The following FNDC3B variants were observed in gnomAD, a reference collection of about 807,000 sequenced individuals.
The protein encoded by FNDC3B is fibronectin type III domain containing 3B, also known as fibronectin type III domain-containing protein 3B.
A neutral mutation model predicts 151.5 loss-of-function variants in FNDC3B; 12 were observed. The ratio of observed to expected loss-of-function variants is 0.08; its 90% CI spans 0.05 to 0.13. The LOEUF is 0.13. Ranked by LOEUF, FNDC3B falls within the 10% of genes least tolerant of loss-of-function variation. FNDC3B has a pLI of 1.00. For missense variants in FNDC3B, 1,214 were observed against 1,505.3 expected (o/e 0.81, Z 3.20); for synonymous variants, 528 against 549.0 (o/e 0.96, Z 0.54).
At chr3:172,255,019 T>C (rs550996416) in intron 6 of FNDC3B, among the ~76,000 whole-genome samples, 19 of 152,226 alleles carry the variant, frequency 1.2e-4, no homozygotes, top group Non-Finnish European at 2.4e-4. Flanking sequence ...AATATTCTTG[T>C]CTCTCTCATC....
intron 6 of FNDC3B, among the ~76,000 whole-genome samples, chr3:172,262,881 A>G (rs1728720003): frequency 1.7e-5 from 2 of 117,110 alleles, no homozygotes; most frequent in Admixed American, 1.1e-4. Flanking sequence ...TAGATGACAG[A>G]GTGAGACCGA....
At chr3:172,173,260 C>A (rs551692171) in intron 3 of FNDC3B, among the ~76,000 whole-genome samples, 1 of 152,258 alleles carries the variant, frequency 6.6e-6, no homozygotes, top group Non-Finnish European at 1.5e-5. Context: ...TTTTGGACAT[C>A]TCTCTAGAGG....
chr3:172,346,202 A>G, intron 19 of FNDC3B, 125 bp from the exon 20 acceptor site: 1 of 472,280 alleles, frequency 2.1e-6, no homozygotes, highest in Non-Finnish European at 3.8e-6. Flanking sequence ...AATATTTGTT[A>G]ATTAGTTGTG....
At chr3:172,221,341 C>T (rs960125986) in intron 3 of FNDC3B, among the ~76,000 whole-genome samples, 2 of 152,144 alleles carry the variant, frequency 1.3e-5, no homozygotes, top group Non-Finnish European at 2.9e-5. Context: ...AGTGGACATC[C>T]TTGTCTAGTT....
At chr3:172,149,820 T>TG (rs1722120801) in intron 3 of FNDC3B, among the ~76,000 whole-genome samples, 1 of 124,990 alleles carries the variant, frequency 8.0e-6, no homozygotes, top group African/African-American at 3.1e-5. Flanking sequence ...TTTTTTTTTT[T>TG]TTTTTTTTTT....
chr3:172,387,849 C>T (rs997063659), intron 25 of FNDC3B, among the ~76,000 whole-genome samples: 2 of 152,196 alleles, frequency 1.3e-5, no homozygotes, highest in African/African-American at 4.8e-5. Context: ...AGTTCAGTAA[C>T]GGTACCCTTG....
At chr3:172,162,048 C>T (rs1418631421) in intron 3 of FNDC3B, among the ~76,000 whole-genome samples, 1 of 149,686 alleles carries the variant, frequency 6.7e-6, no homozygotes, top group Non-Finnish European at 1.5e-5. Context: ...GTGATCTCGG[C>T]TCACTGCAAC....
chr3:172,091,315 T>G (rs555132242), intron 1 of FNDC3B, among the ~76,000 whole-genome samples: 8 of 152,370 alleles, frequency 5.3e-5, no homozygotes, highest in Admixed American at 3.3e-4. Flanking sequence ...CTTCTTTTCA[T>G]ACATTTAGAT....
In FNDC3B at chr3:172,362,853, G is replaced by C. The variant is rs370130678; in HGVS notation, c.3008+8G>C. 6.2e-6 allele frequency: 10 copies of C among 1,605,852 alleles called. No individual in the cohort carries two copies. Among genetic ancestry groups the C allele is most frequent in the Non-Finnish European group, 8.5e-6 (10 of 1,174,098 alleles). ...GGAGGACAGAAACAAGAGGTGAGGT[G>C]GGGGTGAGGATGCTCCTGAAGCTTC... is the stretch of plus-strand genomic sequence containing the variant. On this transcript the variant is annotated splice_region_variant and intron_variant, in intron 23 of 25. Coordinates refer to ENST00000415807, the MANE Select transcript of FNDC3B (RefSeq NM_022763.4).
intron 1 of FNDC3B, among the ~76,000 whole-genome samples, chr3:172,057,222 C>T (rs1716957739): frequency 6.6e-6 from 1 of 152,184 alleles, no homozygotes. Flanking sequence ...TTAGTGGATG[C>T]AGCTGTTGGG....
intron 3 of FNDC3B, among the ~76,000 whole-genome samples, chr3:172,140,680 T>C (rs901428529): frequency 6.6e-6 from 1 of 152,228 alleles, no homozygotes; most frequent in African/African-American, 2.4e-5. Flanking sequence ...GCTGTGATTG[T>C]ACGTGCAACT....
intron 6 of FNDC3B, among the ~76,000 whole-genome samples, chr3:172,277,316 G>A (rs1729484221): frequency 6.6e-6 from 1 of 152,158 alleles, no homozygotes; most frequent in South Asian, 2.1e-4. Context: ...CAGTTCTGAA[G>A]GCTGGGAAGT....
intron 6 of FNDC3B, among the ~76,000 whole-genome samples, chr3:172,261,337 C>A (rs994909118): frequency 6.6e-5 from 10 of 152,128 alleles, no homozygotes; most frequent in African/African-American, 2.2e-4. Context: ...ATGTCAACAT[C>A]GATTTTGTCA....
intron 1 of FNDC3B, among the ~76,000 whole-genome samples, chr3:172,060,317 T>C (rs941416684): frequency 6.6e-6 from 1 of 152,160 alleles, no homozygotes; most frequent in African/African-American, 2.4e-5. Flanking sequence ...GTGGTAGTGG[T>C]GTGTTCCCTC....
At chr3:172,275,190 A>C (rs990715499) in intron 6 of FNDC3B, among the ~76,000 whole-genome samples, 1 of 152,162 alleles carries the variant, frequency 6.6e-6, no homozygotes, top group Non-Finnish European at 1.5e-5. Context: ...GTAGAGTGAA[A>C]TATGGCTACT....
At chr3:172,063,074 C>A (rs1332654639) in intron 1 of FNDC3B, among the ~76,000 whole-genome samples, 2 of 152,158 alleles carry the variant, frequency 1.3e-5, no homozygotes, top group Admixed American at 1.3e-4. Flanking sequence ...TTACACGTAT[C>A]TTTTCTCCCT....
chr3:172,071,708 T>G (rs1222806996), intron 1 of FNDC3B, among the ~76,000 whole-genome samples: 1 of 152,128 alleles, frequency 6.6e-6, no homozygotes. Flanking sequence ...TCACACACAT[T>G]CAAAGGAACA....
chr3:172,151,152 A>G (rs1374633126), intron 3 of FNDC3B, among the ~76,000 whole-genome samples: 2 of 152,028 alleles, frequency 1.3e-5, no homozygotes, highest in Non-Finnish European at 2.9e-5. Flanking sequence ...AGCCTTATTT[A>G]TTTTTTGTGT....
intron 1 of FNDC3B, among the ~76,000 whole-genome samples, chr3:172,082,826 T>A (rs1001104331): frequency 3.3e-5 from 5 of 152,218 alleles, no homozygotes; most frequent in African/African-American, 1.2e-4. Context: ...AAGACTGGAT[T>A]GGAAATGCCA....
Sources: gnomAD v4.1 joint callset for allele counts (sites outside exome capture counted in the v4.1 genomes callset) on GRCh38, gnomAD v4.1.1 for gene constraint, MANE v1.5 for transcripts, NCBI Gene and HGNC (gene_info 2026-07-23, HGNC 2026-07-21) for gene names.